The following ZNF385D variants were observed in gnomAD, a reference collection of about 807,000 sequenced individuals.
The protein encoded by ZNF385D is zinc finger protein 385D, also known as zinc finger protein 659.
In ZNF385D, 15 loss-of-function variants were observed where a neutral mutation model predicts 35.8. That is an observed-to-expected ratio of 0.42 (90% CI 0.28 to 0.64). The LOEUF is 0.64. Among genes scored for constraint, ZNF385D ranks in the 30% least tolerant of loss-of-function variants. The probability of loss-of-function intolerance (pLI) is 0.23; values close to 1 mark genes in which losing one functional copy is unlikely to be tolerated. For synonymous variants in ZNF385D, 212 were observed against 186.8 expected (o/e 1.13, Z -1.10); for missense variants, 474 against 494.6 (o/e 0.96, Z 0.39).
chr3:21,631,204 C>T (rs988376023), intron 2 of ZNF385D, among the ~76,000 whole-genome samples: 22 of 152,090 alleles, frequency 1.4e-4, no homozygotes, highest in Admixed American at 3.3e-4. Flanking sequence ...CTTCAGTGGA[C>T]GGTTGGGAAC....
intron 2 of ZNF385D, among the ~76,000 whole-genome samples, chr3:21,570,348 G>A (rs1048322958): frequency 3.2e-4 from 49 of 152,128 alleles, no homozygotes; most frequent in Non-Finnish European, 6.3e-4. Context: ...GCATACAGGG[G>A]ACATGCTTCA....
intron 3 of ZNF385D, among the ~76,000 whole-genome samples, chr3:21,941,579 C>G (rs1250638154): frequency 4.7e-5 from 7 of 148,340 alleles, no homozygotes; most frequent in East Asian, 2.0e-4. Flanking sequence ...CTCACTGCAA[C>G]CTCCGCCTCC....
At chr3:22,307,166 A>G (rs1242248970) in intron 2 of ZNF385D, among the ~76,000 whole-genome samples, 1 of 152,126 alleles carries the variant, frequency 6.6e-6, no homozygotes, top group Non-Finnish European at 1.5e-5. Flanking sequence ...CAATAAGTGC[A>G]ATACCAATGA....
chr3:22,169,596 C>G (rs938043163), intron 2 of ZNF385D, among the ~76,000 whole-genome samples: 2 of 152,080 alleles, frequency 1.3e-5, no homozygotes, highest in Admixed American at 6.6e-5. Context: ...TTTCAATACC[C>G]CAAATTTTAT....
At chr3:22,134,216 A>G (rs1167933453) in intron 3 of ZNF385D, 5 of 152,142 alleles carry the variant, frequency 3.3e-5, no homozygotes, top group Non-Finnish European at 7.3e-5. Flanking sequence ...AGTTAAAAGG[A>G]AAAGGACAGG....
At chr3:21,768,426 T>A (rs560707319) in intron 3 of ZNF385D, among the ~76,000 whole-genome samples, 3 of 152,098 alleles carry the variant, frequency 2.0e-5, no homozygotes, top group East Asian at 3.9e-4. Context: ...ACAATCACAC[T>A]AGCAGAATCT....
rs930566915 is a variant in ZNF385D at position 21,462,738 on chromosome 3, T to C, written c.440-25535A>G. Reference sequence around the variant, plus strand: ...GGCTTACGCCTGTAATCCTAACACTTTGGGAGGCCGAGGAGGGTAGATCAC... The same window carrying C: ...GGCTTACGCCTGTAATCCTAACACTCTGGGAGGCCGAGGAGGGTAGATCAC... On this transcript the variant is annotated intron_variant, in intron 4 of 7. Coordinates refer to ENST00000281523, the MANE Select transcript of ZNF385D (RefSeq NM_024697.3). Among the ~76,000 whole-genome samples, 5 of 152,140 alleles carry C rather than the reference T, an allele frequency of 3.3e-5. No individual in the cohort carries two copies. In the South Asian group the frequency reaches 8.3e-4, roughly 25 times the overall value.
intron 4 of ZNF385D, among the ~76,000 whole-genome samples, chr3:21,452,393 T>C (rs979317045): frequency 6.6e-6 from 1 of 152,044 alleles, no homozygotes; most frequent in Non-Finnish European, 1.5e-5. Context: ...GCTGCTGCTA[T>C]TGATCATTCT....
At chr3:22,262,584 C>T (rs1252540390) in intron 2 of ZNF385D, among the ~76,000 whole-genome samples, 1 of 151,846 alleles carries the variant, frequency 6.6e-6, no homozygotes, top group African/African-American at 2.4e-5. Context: ...CCAGTCTTAA[C>T]ATAAAAACAT....
chr3:22,093,463 T>C (rs1701435410), intron 3 of ZNF385D, among the ~76,000 whole-genome samples: 1 of 152,006 alleles, frequency 6.6e-6, no homozygotes. Flanking sequence ...GTAAACAGAA[T>C]GGCTGAACAA....
intron 3 of ZNF385D, among the ~76,000 whole-genome samples, chr3:21,894,387 GA>G (rs1444955305): frequency 6.6e-6 from 1 of 152,072 alleles, no homozygotes; most frequent in Non-Finnish European, 1.5e-5. Flanking sequence ...TAAATGCAAA[GA>G]AAAATTTTTG....
chr3:21,997,856 GGCGCGCGCGC>G (rs59960063), intron 3 of ZNF385D, among the ~76,000 whole-genome samples: 15,573 of 142,604 alleles, frequency 0.11, 955 homozygotes, highest in Middle Eastern at 0.19. Flanking sequence ...GTTGCTATTT[GGCGCGCGCGC>G]GCGCGCGTGT....
At chr3:22,101,038 T>C (rs900891394) in intron 3 of ZNF385D, among the ~76,000 whole-genome samples, 1 of 151,996 alleles carries the variant, frequency 6.6e-6, no homozygotes, top group East Asian at 1.9e-4. Context: ...GTTTCAATAA[T>C]ATGGCTTCTG....
At chr3:21,867,711 G>T (rs1697448327) in intron 3 of ZNF385D, among the ~76,000 whole-genome samples, 1 of 150,034 alleles carries the variant, frequency 6.7e-6, no homozygotes, top group Non-Finnish European at 1.5e-5. Context: ...ATGTCTCAAT[G>T]CCAAGAGGCA....
chr3:21,884,854 T>G (rs1313125310), intron 3 of ZNF385D, among the ~76,000 whole-genome samples: 1 of 152,102 alleles, frequency 6.6e-6, no homozygotes, highest in Non-Finnish European at 1.5e-5. Flanking sequence ...TATTTGCTTG[T>G]TGATTTATAC....
chr3:22,236,445 T>C (rs1455845877), intron 2 of ZNF385D, among the ~76,000 whole-genome samples: 2 of 152,106 alleles, frequency 1.3e-5, no homozygotes, highest in Non-Finnish European at 2.9e-5. Context: ...GATCCTCCCA[T>C]CTAAGCCTCC....
chr3:22,317,950 C>G (rs1207809794), intron 2 of ZNF385D, among the ~76,000 whole-genome samples: 2 of 151,834 alleles, frequency 1.3e-5, no homozygotes, highest in Admixed American at 1.3e-4. Flanking sequence ...AATCCAGTTA[C>G]TGGGAGGCTG....
At chr3:22,366,403 T>C (rs888764662) in intron 2 of ZNF385D, among the ~76,000 whole-genome samples, 5 of 152,174 alleles carry the variant, frequency 3.3e-5, no homozygotes, top group African/African-American at 4.8e-5. Flanking sequence ...TAATCACTCA[T>C]ACAATATTTA....
intron 2 of ZNF385D, among the ~76,000 whole-genome samples, chr3:21,656,512 C>T (rs1236567307): frequency 1.3e-5 from 2 of 151,960 alleles, no homozygotes; most frequent in East Asian, 3.9e-4. Context: ...TATAAGGACA[C>T]CAGTCATAAT....
Sources: gnomAD v4.1 joint callset for allele counts (sites outside exome capture counted in the v4.1 genomes callset) on GRCh38, gnomAD v4.1.1 for gene constraint, MANE v1.5 for transcripts, NCBI Gene and HGNC (gene_info 2026-07-23, HGNC 2026-07-21) for gene names.